CCDC61: variants seen among roughly 807,000 people sequenced by gnomAD.
The protein encoded by CCDC61 is centrosomal protein CCDC61.
A neutral mutation model predicts 63.0 loss-of-function variants in CCDC61; 55 were observed. The ratio of observed to expected loss-of-function variants is 0.87; its 90% confidence interval spans 0.70 to 1.09. CCDC61 has a LOEUF of 1.09. Among genes scored for constraint, CCDC61 ranks in the 50% least tolerant of loss-of-function variants. The probability of loss-of-function intolerance (pLI) is 0.00; values close to 1 mark genes in which losing one functional copy is unlikely to be tolerated. For synonymous variants in CCDC61, 270 were observed against 317.0 expected, an observed-to-expected ratio of 0.85 and a Z score of 1.58; for missense variants, 651 against 731.4, an observed-to-expected ratio of 0.89 and a Z score of 1.27.
At position 46,016,981 on chromosome 19, in the gene CCDC61, C is replaced by T. The variant is rs140257655; in HGVS notation, c.1232-10C>T. ...GAGGGCCAGCGGTCACGCCCTCCGT[C>T]TCCCTCTAGTGGACAGTTTCCGCAG... On this transcript the variant is annotated splice_polypyrimidine_tract_variant and intron_variant, in intron 10 of 13. Transcript: ENST00000595358. This position sits in a 1 kb window ranked among gnomAD's most constrained non-coding sequence, Gnocchi z 7.2. 1,859 of 1,608,924 alleles carry T rather than the reference C, an allele frequency of 1.2e-3. 46 individuals are homozygous for T. The East Asian group carries it at 0.038, about 33-fold the overall frequency.
At chr19:46,010,264 T>G (rs1968803602) in intron 5 of CCDC61, among the ~76,000 whole-genome samples, 1 of 152,164 alleles carries the variant, frequency 6.6e-6, no homozygotes, top group Non-Finnish European at 1.5e-5. Context: ...ACCCAGCTTG[T>G]TAACAAGTGG....
At position 46,016,062 on chromosome 19, in the gene CCDC61, C is replaced by A; in HGVS notation, c.854C>A (p.Thr285Asn). The A allele has an allele frequency of 4.0e-6, 5 of 1,235,486 alleles. No homozygotes were observed. The highest frequency in any genetic ancestry group is 5.0e-6 in the Non-Finnish European group (5 of 991,014). The allele number at this position is 1,235,486 out of a possible 1,614,324, so 76.5% of individuals were successfully genotyped here. A position where few individuals can be genotyped will look rare whatever the true frequency, so the allele number is the denominator to read the frequency against. ...TGCCTCTGTGGTCTCAGGAGGCGGA[C>A]TCCGCCGGTGCAGCCGCCCCCGACG... ...ELALYKRGRRTPPVQPPPTRE... is the reference protein window; with the variant it reads ...ELALYKRGRRNPPVQPPPTRE... Residue 285 changes from threonine (T) to asparagine (N), a missense_variant, in exon 8 of 14, where the codon ACT becomes AAT. Thr to Asn is a moderately conservative substitution (Grantham distance 65). Coordinates refer to ENST00000595358, the MANE Select transcript of CCDC61 (RefSeq NM_001267723.2). The surrounding 1 kb of genome is among the most constrained non-coding windows in gnomAD (Gnocchi z 7.2).
chr19:46,006,753 G>A, intron 4 of CCDC61, 37 bp downstream of exon 4: 1 of 1,563,588 alleles, frequency 6.4e-7, no homozygotes, highest in Non-Finnish European at 8.7e-7. Flanking sequence ...CCAGGCTGGT[G>A]GGCGGGGTGG....
chr19:46,002,937 A>T, intron 1 of CCDC61, 71 bp from the exon 2 acceptor site: 1 of 1,438,900 alleles, frequency 6.9e-7, no homozygotes, highest in Non-Finnish European at 9.5e-7. Flanking sequence ...CCAGGATATG[A>T]GGCCTGGCCT....
At position 46,018,206 on chromosome 19, in the gene CCDC61, G is replaced by A. The variant is rs1420827911; in HGVS notation, c.1441+56G>A. On this transcript the variant is annotated intron_variant, in intron 13 of 13. Coordinates refer to ENST00000595358, the MANE Select transcript of CCDC61 (RefSeq NM_001267723.2). This position sits in a 1 kb window ranked among gnomAD's most constrained non-coding sequence, Gnocchi z 4.2. ...AGCCCCAGGACCCGTTGGAATGGTA[G>A]TGCGGGCAGTGGTATATTGGGCCCA... 1.3e-6 allele frequency: 2 copies of A among 1,556,126 alleles called. No individual in the cohort carries two copies. The highest frequency in any genetic ancestry group is 1.7e-6 in the Non-Finnish European group (2 of 1,147,390).
At position 46,016,080 on chromosome 19, in the gene CCDC61, C is replaced by T. The variant is rs1968925881; in HGVS notation, c.872C>T (p.Pro291Leu). 6.5e-6 allele frequency: 8 copies of T among 1,234,574 alleles called. No individual in the cohort carries two copies. Among genetic ancestry groups the T allele is most frequent in the South Asian group, 4.0e-5 (1 of 24,692 alleles). 76.5% of individuals were successfully genotyped at this position (1,234,574 alleles called of 1,614,324 possible). ...AGGCGGACTCCGCCGGTGCAGCCGC[C>T]CCCGACGCGGGAGGACCGGGCCTCA... The part of the protein sequence containing the change: ...RGRRTPPVQP[P>L]PTREDRASSS... Residue 291 changes from proline (P) to leucine (L), a missense_variant, in exon 8 of 14, where the codon CCC (proline) becomes CTC (leucine). Pro to Leu is a moderately conservative substitution (Grantham distance 98). Coordinates refer to ENST00000595358, the MANE Select transcript of CCDC61 (RefSeq NM_001267723.2). This position sits in a 1 kb window ranked among gnomAD's most constrained non-coding sequence, Gnocchi z 7.2.
chr19:45,998,123 G>C (rs1407359211), intron 1 of CCDC61, among the ~76,000 whole-genome samples: 1 of 152,202 alleles, frequency 6.6e-6, no homozygotes, highest in African/African-American at 2.4e-5. Context: ...CTCCTATACT[G>C]TCCTCACCAC....
chr19:46,006,180 T>G (rs1211936625), intron 3 of CCDC61, among the ~76,000 whole-genome samples: 3 of 152,184 alleles, frequency 2.0e-5, no homozygotes, highest in Non-Finnish European at 4.4e-5. Flanking sequence ...TTCCCACCAT[T>G]GCTTTTGTAC....
chr19:46,006,401 G>A (rs546240148), intron 3 of CCDC61, among the ~76,000 whole-genome samples, 158 bp from the exon 4 acceptor site: 1 of 152,366 alleles, frequency 6.6e-6, no homozygotes, highest in South Asian at 2.1e-4. Flanking sequence ...AAGTCCTTGT[G>A]TCTGCCCTAG....
At position 46,006,703 on chromosome 19, in the gene CCDC61, G is replaced by A. The variant is rs922291646; in HGVS notation, c.376G>A (p.Val126Met). The change falls in exon 4 of 14, where the codon GTG (valine) becomes ATG (methionine). Residue 126 changes from valine (V) to methionine (M), a missense_variant. Coordinates refer to ENST00000595358, the MANE Select transcript of CCDC61 (RefSeq NM_001267723.2). Reference protein sequence around the residue: ...SKRYLILIYSVEFDRIHYPLP... With the variant: ...SKRYLILIYSMEFDRIHYPLP... Reference sequence around the variant, plus strand: ...GCGCTACCTGATCCTCATCTACTCCGTGGAGTTTGACAGGTGGGGAGAAGG... The same window carrying A: ...GCGCTACCTGATCCTCATCTACTCCATGGAGTTTGACAGGTGGGGAGAAGG... 5.0e-6 allele frequency: 8 copies of A among 1,606,694 alleles called. No individual in the cohort carries two copies. The highest frequency in any genetic ancestry group is 4.5e-5 in the East Asian group (2 of 44,712).
chr19:45,998,360 A>C (rs1191084486), intron 1 of CCDC61, among the ~76,000 whole-genome samples: 1 of 152,216 alleles, frequency 6.6e-6, no homozygotes, highest in Non-Finnish European at 1.5e-5. Flanking sequence ...CTGCATTTTC[A>C]TAAGCACTTG....
rs200544702 is a variant in CCDC61, at chr19:46,018,338, G to T, written c.1490G>T (p.Arg497Leu). Reference protein sequence around the residue: ...QAADMAEIDARLKALQEYMNR... With the variant: ...QAADMAEIDALLKALQEYMNR... ...GCTGACATGGCCGAAATAGACGCAC[G>T]CCTGAAGGCCTTGCAGGAGTACATG... Residue 497 changes from arginine (R) to leucine (L), a missense_variant, in exon 14 of 14, where the codon CGC becomes CTC. Arg to Leu is a moderately radical substitution (Grantham distance 102, BLOSUM62 -2). Coordinates refer to ENST00000595358, the MANE Select transcript of CCDC61 (RefSeq NM_001267723.2). The surrounding 1 kb of genome is among the most constrained non-coding windows in gnomAD (Gnocchi z 4.2). 6.3e-7 allele frequency: 1 copy of T among 1,577,040 alleles called. No individual in the cohort carries two copies. Among genetic ancestry groups the T allele is most frequent in the Non-Finnish European group, 8.6e-7 (1 of 1,161,814 alleles).
rs758619430 is a variant in CCDC61 at position 46,003,117 on chromosome 19, G to T, written c.99G>T (p.Val33=). 1.2e-6 allele frequency: 2 copies of T among 1,613,366 alleles called. No homozygotes were observed. Among genetic ancestry groups the T allele is most frequent in the South Asian group, 2.2e-5 (2 of 90,816 alleles). The change falls in exon 2 of 14, where the codon GTG becomes GTT. Residue 33 remains valine, a synonymous_variant. Coordinates refer to ENST00000595358, the MANE Select transcript of CCDC61 (RefSeq NM_001267723.2). ...MVSGQVLELE[V]EDRMTADQWR... ...CTGGGCAGGTGCTGGAGCTGGAGGT[G>T]GAGGACCGGATGACGGCTGACCAGT... is the stretch of plus-strand genomic sequence containing the variant.
intron 5 of CCDC61, among the ~76,000 whole-genome samples, chr19:46,011,906 G>A (rs942526224): frequency 2.6e-5 from 4 of 152,118 alleles, no homozygotes; most frequent in African/African-American, 9.7e-5. Flanking sequence ...GGGTTCAAGC[G>A]ATTCTCCTGC....
chr19:46,013,675 T>TTGA (rs1968870520), intron 5 of CCDC61, among the ~76,000 whole-genome samples: 1 of 151,806 alleles, frequency 6.6e-6, no homozygotes. Context: ...GAGACCATCT[T>TTGA]GGCCAACATG....
In CCDC61 at chr19:46,016,418, T is replaced by TA. The variant is rs768264953; in HGVS notation, c.1091+25_1091+26insA. ...AGTCAGTGCCCCTTCCTCCCTCACC[T>TA]GCCCCTGTCCCTGGCCCGTGCCCGC... On this transcript the variant is annotated intron_variant, in intron 9 of 13. Coordinates refer to ENST00000595358, the MANE Select transcript of CCDC61 (RefSeq NM_001267723.2). The surrounding 1 kb of genome is among the most constrained non-coding windows in gnomAD (Gnocchi z 7.2). 2.1e-5 allele frequency: 34 copies of TA among 1,610,996 alleles called. No individual in the cohort carries two copies. The highest frequency in any genetic ancestry group is 2.7e-5 in the Non-Finnish European group (32 of 1,178,284).
chr19:46,008,459 A>G (rs1405876399), intron 5 of CCDC61, among the ~76,000 whole-genome samples, 158 bp downstream of exon 5: 1 of 151,878 alleles, frequency 6.6e-6, no homozygotes, highest in Non-Finnish European at 1.5e-5. Flanking sequence ...CCCAGGCTGG[A>G]GTGCAGTGGT....
intron 1 of CCDC61, among the ~76,000 whole-genome samples, chr19:46,000,225 G>T (rs1968566010): frequency 1.3e-5 from 2 of 151,452 alleles, no homozygotes; most frequent in South Asian, 4.2e-4. Context: ...GGGGTTGGGG[G>T]TGGGGTTACA....
Position 46,003,436 on chromosome 19 carries a change from C to T in CCDC61, c.166C>T (p.His56Tyr), listed in dbSNP as rs201521484. The T allele has an allele frequency of 3.3e-5, 53 of 1,612,902 alleles. No individual in the cohort carries two copies. The highest frequency in any genetic ancestry group is 4.2e-5 in the Non-Finnish European group (49 of 1,179,432). The change falls in exon 3 of 14, where the codon CAC (histidine) becomes TAC (tyrosine). Residue 56 changes from histidine (H) to tyrosine (Y), a missense_variant. Transcript: ENST00000595358. ...FDAGFIEDLTHKTGNFKQFNI... is the reference protein window; with the variant it reads ...FDAGFIEDLTYKTGNFKQFNI... The stretch of plus-strand genomic sequence containing the variant: ...CCACCCAGTCATTGAAGATTTGACT[C>T]ACAAGACAGGGAACTTCAAACAGTT...
Sources: allele counts gnomAD v4.1 joint callset (sites outside exome capture counted in the v4.1 genomes callset), GRCh38; gene constraint gnomAD v4.1.1; non-coding constraint Gnocchi (gnomAD v3.1); transcripts MANE v1.5; gene names NCBI Gene and HGNC (gene_info 2026-07-23, HGNC 2026-07-21).